Variants in HIPK1 observed in about 807,000 individuals in gnomAD.
HIPK1 encodes the protein homeodomain interacting protein kinase 1.
HIPK1 carries 28 observed loss-of-function variants against 117.1 expected under a neutral mutation model. The observed-to-expected ratio is 0.24, with a 90% CI of 0.18 to 0.33. HIPK1 has a LOEUF of 0.33. HIPK1 is among the 10% of genes least tolerant of loss of function. The pLI, the probability that HIPK1 is intolerant of heterozygous loss-of-function variation, is 1.00. For synonymous variants in HIPK1, 605 were observed against 562.5 expected (o/e 1.08, Z -1.07); for missense variants, 1,122 against 1,475.1 (o/e 0.76, Z 3.92).
chr1:113,935,875 T>C (rs1330778517), intron 1 of HIPK1, among the ~76,000 whole-genome samples: 1 of 152,238 alleles, frequency 6.6e-6, no homozygotes, highest in Non-Finnish European at 1.5e-5. Context: ...AAAATATCTG[T>C]AATTTGCCTC....
intron 1 of HIPK1, among the ~76,000 whole-genome samples, chr1:113,938,773 G>T (rs1313558867): frequency 6.6e-6 from 1 of 151,828 alleles, no homozygotes; most frequent in African/African-American, 2.4e-5. Context: ...AACTGGGTGT[G>T]GTCGTGCACG....
Position 113,974,795 on chromosome 1 carries a change from A to C in HIPK1, c.*1283A>C, listed in dbSNP as rs559339913. ...AAATATGTACATATTGATTAGAAAA[A>C]TATAACAAGCAATTTTTCCTGCTAA... On this transcript the variant is annotated 3_prime_UTR_variant, in exon 16 of 16. Coordinates refer to ENST00000426820, the MANE Select transcript of HIPK1 (RefSeq NM_198268.3). 5.2e-4 allele frequency: 80 copies of C among 152,768 alleles called. No homozygotes were observed. Among genetic ancestry groups the C allele is most frequent in the African/African-American group, 1.8e-3 (75 of 41,566 alleles). The allele number at this position is 152,768 out of a possible 1,614,324, so 9.5% of individuals were successfully genotyped here.
chr1:113,966,149 C>T lies in HIPK1; in HGVS notation c.2258C>T (p.Thr753Ile). 1 of 1,613,932 alleles carries T rather than the reference C, an allele frequency of 6.2e-7. No individual in the cohort carries two copies. Among genetic ancestry groups the T allele is most frequent in the Non-Finnish European group, 8.5e-7 (1 of 1,179,904 alleles). Reference sequence around the variant, plus strand: ...TTACAGCAGGCGTGGCCTGGAGGGACTCAGCAAATTCTCCTGCCTTCAACT... The same window carrying T: ...TTACAGCAGGCGTGGCCTGGAGGGATTCAGCAAATTCTCCTGCCTTCAACT... ...AAVLQAWPGG[T>I]QQILLPSTWQ... The change falls in exon 11 of 16, where the codon ACT becomes ATT. Residue 753 changes from threonine (T) to isoleucine (I), a missense_variant. Thr to Ile is a moderately conservative substitution (Grantham distance 89). This residue lies in a region of HIPK1 where 731 missense variants were observed against 860.4 expected (regional missense o/e 0.85). Transcript: ENST00000426820.
Position 113,963,473 on chromosome 1 carries a change from C to G in HIPK1, c.2190C>G (p.Ser730Arg), listed in dbSNP as rs367569194. Residue 730 changes from serine to arginine, a missense_variant, in exon 10 of 16, where the codon AGC becomes AGG. This residue lies in a region of HIPK1 where 731 missense variants were observed against 860.4 expected (regional missense o/e 0.85). Coordinates refer to ENST00000426820, the MANE Select transcript of HIPK1 (RefSeq NM_198268.3). ...TPQYAVPFTL[S>R]CAAGRPALVE... The stretch of plus-strand genomic sequence containing the variant: ...AGTATGCGGTGCCCTTTACTCTGAG[C>G]TGCGCAGCCGGCCGGCCGGCGCTGG... 24 of 1,614,110 alleles carry G rather than the reference C, an allele frequency of 1.5e-5. No individual in the cohort carries two copies. The highest frequency in any genetic ancestry group is 1.9e-5 in the Non-Finnish European group (23 of 1,180,038).
rs763972656 is a variant in HIPK1 at position 113,973,559 on chromosome 1, C to G, written c.*47C>G. The G allele has an allele frequency of 6.5e-7, 1 of 1,534,406 alleles. No individual in the cohort carries two copies. The highest frequency in any genetic ancestry group is 1.4e-5 in the African/African-American group (1 of 72,496). ...GAATCATGGCTACCTTCTCCTGGCC[C>G]TGCGTTCTTAATATTGGGCTATGGA... On this transcript the variant is annotated 3_prime_UTR_variant, in exon 16 of 16. Coordinates refer to ENST00000426820, the MANE Select transcript of HIPK1 (RefSeq NM_198268.3).
At chr1:113,961,097 T>A (rs575028986) in intron 8 of HIPK1, among the ~76,000 whole-genome samples, 69 of 152,330 alleles carry the variant, frequency 4.5e-4, no homozygotes, top group Middle Eastern at 3.4e-3. Flanking sequence ...GTTGCAAGTT[T>A]CGATAAAGTA....
rs55979020 is a variant in HIPK1, at chr1:113,938,929, TACAC to T, written c.-2-1422_-2-1419del. On this transcript the variant is annotated intron_variant, in intron 1 of 15. Transcript: ENST00000426820. ...TGTCTCAAAAAAAAAAAAAAAAAAA[TACAC>T]ACACACACACACACACACACACACA... Among the ~76,000 whole-genome samples the T allele has an allele frequency of 1.6e-3, 187 of 115,464 alleles. 2 individuals carry two copies. Among genetic ancestry groups the T allele is most frequent in the South Asian group, 9.6e-3 (34 of 3,544 alleles). 75.7% of individuals were successfully genotyped at this position (115,464 alleles called of 152,430 possible).
chr1:113,932,374 T>G (rs555911122), intron 1 of HIPK1, among the ~76,000 whole-genome samples: 2 of 150,224 alleles, frequency 1.3e-5, no homozygotes, highest in South Asian at 2.1e-4. Flanking sequence ...GGATCTGTTT[T>G]TTTTTTTTTT....
chr1:113,964,175 AGGTCATATTGTT>A (rs1672307139), intron 10 of HIPK1, among the ~76,000 whole-genome samples: 1 of 152,170 alleles, frequency 6.6e-6, no homozygotes, highest in African/African-American at 2.4e-5. Context: ...ATCATATTGT[AGGTCATATTGTT>A]GGTTGAAATT....
chr1:113,954,707 A>C lies in HIPK1; in HGVS notation c.1257A>C (p.Gly419=). 6.2e-7 allele frequency: 1 copy of C among 1,614,044 alleles called. No homozygotes were observed. The highest frequency in any genetic ancestry group is 8.5e-7 in the Non-Finnish European group (1 of 1,179,906). ...CAGCTGAATATCTTCTCAGTGCCGG[A>C]ACAAAAACAACCAGGTTTTTCAACA... ...GLPAEYLLSA[G]TKTTRFFNRD... is the part of the protein sequence containing the mutation. Residue 419 remains glycine, a synonymous_variant, in exon 4 of 16, where the codon GGA becomes GGC. Transcript: ENST00000426820.
At chr1:113,933,111 C>T (rs1046623188) in intron 1 of HIPK1, 1 of 882,314 alleles carries the variant, frequency 1.1e-6, no homozygotes, top group Non-Finnish European at 1.4e-6. Flanking sequence ...ACACAAAGCA[C>T]TTACTTTTCT....
chr1:113,968,882 G>A (rs1448351540), intron 13 of HIPK1, among the ~76,000 whole-genome samples: 3 of 152,160 alleles, frequency 2.0e-5, no homozygotes, highest in African/African-American at 4.8e-5. Context: ...TTAGCAGGGC[G>A]TGGTGGCACA....
At chr1:113,970,522 A>T (rs1325113686) in intron 14 of HIPK1, among the ~76,000 whole-genome samples, 1 of 152,240 alleles carries the variant, frequency 6.6e-6, no homozygotes, top group Non-Finnish European at 1.5e-5. Context: ...AGATGATTTG[A>T]ATTTGGCAAT....
intron 3 of HIPK1, among the ~76,000 whole-genome samples, chr1:113,954,178 G>T (rs1671556132): frequency 1.3e-5 from 2 of 151,928 alleles, no homozygotes; most frequent in South Asian, 4.2e-4. Flanking sequence ...GCCTAGGGTG[G>T]TCTCAAACTC....
intron 7 of HIPK1, 86 bp downstream of exon 7, chr1:113,957,372 GT>G: frequency 9.4e-7 from 1 of 1,061,822 alleles, no homozygotes; most frequent in South Asian, 1.7e-5. Flanking sequence ...ACCAATTTTT[GT>G]TTTGGTGGTC....
Position 113,973,155 on chromosome 1 carries a change from G to T in HIPK1, c.3276G>T (p.Ser1092=), listed in dbSNP as rs780166628. ...TCCAGCATGGCAGCCCGCTACACTC[G>T]ACAGGGCACCCACACCTTGCCCCGG... is the stretch of plus-strand genomic sequence containing the variant. ...YTFQHGSPLH[S]TGHPHLAPAP... Residue 1092 remains serine (S), a synonymous_variant, in exon 16 of 16, where the codon TCG becomes TCT. Transcript: ENST00000426820. The T allele has an allele frequency of 8.1e-6, 13 of 1,606,994 alleles. No homozygotes were observed. The Admixed American group carries it at 2.0e-4, about 25-fold the overall frequency.
intron 2 of HIPK1, among the ~76,000 whole-genome samples, chr1:113,945,688 G>T (rs1270339095): frequency 1.3e-5 from 2 of 151,940 alleles, no homozygotes; most frequent in Non-Finnish European, 2.9e-5. Context: ...TTCAATGTTG[G>T]GCTCTCTATT....
At position 113,975,569 on chromosome 1, in the gene HIPK1, C is replaced by G. The variant is rs1337440580; in HGVS notation, c.*2057C>G. On this transcript the variant is annotated 3_prime_UTR_variant, in exon 16 of 16. Coordinates refer to ENST00000426820, the MANE Select transcript of HIPK1 (RefSeq NM_198268.3). ...GTCCTTCCTGCACATAGTTGACATT[C>G]CTAGTAAAATATTTGCTTGTTGAAA... 6.6e-6 allele frequency: 1 copy of G among 152,514 alleles called. No individual in the cohort carries two copies. Among genetic ancestry groups the G allele is most frequent in the Admixed American group, 6.6e-5 (1 of 15,244 alleles). 9.4% of individuals were successfully genotyped at this position (152,514 alleles called of 1,614,324 possible). A position where few individuals can be genotyped will look rare whatever the true frequency, so the allele number is the denominator to read the frequency against.
At chr1:113,964,268 T>G (rs568598882) in intron 10 of HIPK1, among the ~76,000 whole-genome samples, 3 of 152,318 alleles carry the variant, frequency 2.0e-5, no homozygotes, top group Admixed American at 2.0e-4. Context: ...ATACAAAGGT[T>G]GAAAGTATGG....
Sources: allele counts gnomAD v4.1 joint callset (sites outside exome capture counted in the v4.1 genomes callset), GRCh38; gene constraint gnomAD v4.1.1; regional missense constraint gnomAD v4.1.1; transcripts MANE v1.5; gene names NCBI Gene and HGNC (gene_info 2026-07-23, HGNC 2026-07-21).